The following JAKMIP3 variants were observed in gnomAD, a reference collection of about 807,000 sequenced individuals.
JAKMIP3 encodes the protein janus kinase and microtubule-interacting protein 3.
Under a neutral mutation model 118.5 loss-of-function variants are expected in JAKMIP3, and 58 were observed. The ratio of observed to expected loss-of-function variants is 0.49; its 90% CI spans 0.40 to 0.61. The LOEUF is 0.61. Among genes scored for constraint, JAKMIP3 ranks in the 20% least tolerant of loss-of-function variants. JAKMIP3 has a pLI of 0.00. For missense variants in JAKMIP3, 950 were observed against 1,109.0 expected, an observed-to-expected ratio of 0.86 and a Z score of 2.04; for synonymous variants, 486 against 451.2, an observed-to-expected ratio of 1.08 and a Z score of -0.98.
rs758566568 is a variant in JAKMIP3, at chr10:132,145,175, G to A, written c.1671G>A (p.Leu557=). 1.6e-5 allele frequency: 25 copies of A among 1,609,872 alleles called. No individual in the cohort carries two copies. Among genetic ancestry groups the A allele is most frequent in the Non-Finnish European group, 2.1e-5 (25 of 1,178,756 alleles). ...QARIEDLEKA[L]AEQGQDMKWI... ...GGATAGAGGACCTGGAGAAGGCCCT[G>A]GCGGAGCAGGGGCAGGTGAGCCTGC... is the stretch of plus-strand genomic sequence containing the variant. The change falls in exon 12 of 24, where the codon CTG becomes CTA. Residue 557 remains leucine (L), a synonymous_variant. Transcript: ENST00000684848.
At chr10:132,182,336 G>A (rs1179289765) in intron 23 of JAKMIP3, 21 bp from the exon 24 acceptor site, 4 of 152,242 alleles carry the variant, frequency 2.6e-5, no homozygotes, top group African/African-American at 4.8e-5. Flanking sequence ...ACTAAACGGC[G>A]TTTTCTCCAC....
At chr10:132,080,522 TTTTTTTTTTTTTTTTTTA>T (rs1444652053) in intron 1 of JAKMIP3, among the ~76,000 whole-genome samples, 2 of 123,298 alleles carry the variant, frequency 1.6e-5, no homozygotes, top group Non-Finnish European at 3.4e-5. Context: ...TTTTTTTTTT[TTTTTTTTTTTTTTTTTTA>T]AGATGGAGTC....
intron 14 of JAKMIP3, among the ~76,000 whole-genome samples, chr10:132,148,839 G>A (rs553499693): frequency 2.0e-5 from 3 of 152,282 alleles, no homozygotes; most frequent in African/African-American, 4.8e-5. Context: ...CGCCCCTGCC[G>A]AGCACCACAC....
chr10:132,135,377 C>T (rs1293135816), intron 5 of JAKMIP3, among the ~76,000 whole-genome samples: 1 of 152,214 alleles, frequency 6.6e-6, no homozygotes, highest in Non-Finnish European at 1.5e-5. Flanking sequence ...CTAACCCCTG[C>T]TCTGCGTTAG....
intron 21 of JAKMIP3, among the ~76,000 whole-genome samples, chr10:132,165,306 G>C (rs188572677): frequency 0.11 from 16,652 of 152,132 alleles, 1,237 homozygotes; most frequent in Non-Finnish European, 0.15. Context: ...AAGTCAGGAT[G>C]AGGGGAGCAC....
chr10:132,121,135 C>T lies in JAKMIP3; in HGVS notation c.633+3561C>T, dbSNP rs2048476277. Among the ~76,000 whole-genome samples the T allele has an allele frequency of 2.0e-5, 3 of 152,208 alleles. No homozygotes were observed. In the South Asian group the frequency reaches 6.2e-4, roughly 32 times the overall value. On this transcript the variant is annotated intron_variant, in intron 3 of 23. Coordinates refer to ENST00000684848, the MANE Select transcript of JAKMIP3 (RefSeq NM_001323087.2). ...GGCAGGCTGGGGTGAGGGTGGGGTC[C>T]AGAGGCAGGGCCCTGCCCCAAGTGT...
rs184458201 is a variant in JAKMIP3 at position 132,084,190 on chromosome 10, G to A, written c.-138+18129G>A. On this transcript the variant is annotated intron_variant, in intron 1 of 23. Coordinates refer to ENST00000684848, the MANE Select transcript of JAKMIP3 (RefSeq NM_001323087.2). ...GGGTAGAATGTTTGTGTTTCCACTCGTTTGTGTTATCTATGATTTCTTTCA... is the reference window on the plus strand; with the variant it reads ...GGGTAGAATGTTTGTGTTTCCACTCATTTGTGTTATCTATGATTTCTTTCA... 1.4e-3 allele frequency among the ~76,000 whole-genome samples: 211 copies of A among 151,784 alleles called. 1 individual carries two copies. Among genetic ancestry groups the A allele is most frequent in the African/African-American group, 4.4e-3 (183 of 41,528 alleles).
chr10:132,136,104 C>T (rs1328764680), intron 6 of JAKMIP3, 28 bp downstream of exon 6: 2 of 1,609,372 alleles, frequency 1.2e-6, no homozygotes, highest in Admixed American at 3.3e-5. Flanking sequence ...TCCACGGGGC[C>T]ACGGTCGCAC....
rs538511637 is a variant in JAKMIP3, at chr10:132,049,043, C to A, written c.-138+12305C>A. On this transcript the variant is annotated intron_variant, in intron 1 of 23. Coordinates refer to the JAKMIP3 transcript ENST00000657785. The surrounding 1 kb of genome is among the most constrained non-coding windows in gnomAD (Gnocchi z 4.3). ...ATTGTTTCTTTACTTCTCTGCATGTCCTGAAAGCCTGCTGCTGGTCCCGGC... is the reference window on the plus strand; with the variant it reads ...ATTGTTTCTTTACTTCTCTGCATGTACTGAAAGCCTGCTGCTGGTCCCGGC... Among the ~76,000 whole-genome samples the A allele has an allele frequency of 1.3e-5, 2 of 151,776 alleles. No homozygotes were observed. The highest frequency in any genetic ancestry group is 2.9e-5 in the Non-Finnish European group (2 of 67,974).
chr10:132,153,788 G>A lies in JAKMIP3; in HGVS notation c.2103G>A (p.Ala701=), dbSNP rs151294338. ...TCCAGCAGATTGAGGAGACAGAGGC[G>A]GCGCTGCAGCGGAAGATGGTGGATC... ...KWLQQIEETE[A]ALQRKMVDLE... Residue 701 remains alanine (A), a synonymous_variant, in exon 18 of 24, where the codon GCG becomes GCA. Transcript: ENST00000684848. The A allele has an allele frequency of 5.3e-5, 85 of 1,613,048 alleles. No homozygotes were observed. In the East Asian group the frequency reaches 7.1e-4, roughly 14 times the overall value.
chr10:132,108,960 G>GTATATATAAATTATATACGCAAATA (rs1420276964), intron 2 of JAKMIP3, among the ~76,000 whole-genome samples: 3,888 of 145,344 alleles, frequency 0.027, 375 homozygotes, highest in East Asian at 0.14. Context: ...ATACGCAAAT[G>GTATATATAAATTATATACGCAAATA]TATATATAAA....
At chr10:132,087,352 T>TG (rs60006445) in intron 1 of JAKMIP3, among the ~76,000 whole-genome samples, 13,561 of 152,214 alleles carry the variant, frequency 0.089, 1,458 homozygotes, top group African/African-American at 0.25. Flanking sequence ...GATGATCTTT[T>TG]GGGGATGAAT....
At chr10:132,136,225 A>T in intron 6 of JAKMIP3, 149 bp downstream of exon 6, 1 of 844,448 alleles carries the variant, frequency 1.2e-6, no homozygotes. Context: ...GCATGTTTGA[A>T]GGGGAGCAAC....
At position 132,142,826 on chromosome 10, in the gene JAKMIP3, G is replaced by A. The variant is rs895342510; in HGVS notation, c.1602+778G>A. ...CCAGAGCAGGCAGCTGTGGGGTGTG[G>A]GGTTCCCGTTGGCCTCCCCACCCCA... On this transcript the variant is annotated intron_variant, in intron 11 of 23. Transcript: ENST00000684848. Among the ~76,000 whole-genome samples, 3 of 152,176 alleles carry A rather than the reference G, an allele frequency of 2.0e-5. No individual in the cohort carries two copies. The East Asian group carries it at 5.8e-4, about 29-fold the overall frequency.
chr10:132,168,039 G>C lies in JAKMIP3; in HGVS notation c.*109G>C, dbSNP rs1467703230. On this transcript the variant is annotated 3_prime_UTR_variant, in exon 23 of 24. Transcript: ENST00000684848. Reference sequence around the variant, plus strand: ...GTCGCGTCTCCATCCTGAAGACCCAGGGAGATTTGGTCTCTGCACGCCCGT... The same window carrying C: ...GTCGCGTCTCCATCCTGAAGACCCACGGAGATTTGGTCTCTGCACGCCCGT... The C allele has an allele frequency of 4.7e-6, 6 of 1,289,632 alleles. No homozygotes were observed. In the South Asian group the frequency reaches 6.2e-5, roughly 13 times the overall value. 79.9% of individuals were successfully genotyped at this position (1,289,632 alleles called of 1,614,324 possible).
At chr10:132,056,247 G>A (rs1460663528) in intron 1 of JAKMIP3, among the ~76,000 whole-genome samples, 2 of 152,142 alleles carry the variant, frequency 1.3e-5, no homozygotes, top group Non-Finnish European at 2.9e-5. Flanking sequence ...CATTGCCACC[G>A]GGCTGTAAAG....
At position 132,112,494 on chromosome 10, in the gene JAKMIP3, G is replaced by T. The variant is rs1312239037; in HGVS notation, c.136-4583G>T. On this transcript the variant is annotated intron_variant, in intron 2 of 23. Coordinates refer to ENST00000684848, the MANE Select transcript of JAKMIP3 (RefSeq NM_001323087.2). The surrounding 1 kb of genome is among the most constrained non-coding windows in gnomAD (Gnocchi z 4.3). The stretch of plus-strand genomic sequence containing the variant: ...TTCGGGCTGTTAGGTTTTAAGAAGG[G>T]TCTCTTTTCCTGGTTCCTTATTTTG... 6.6e-6 allele frequency among the ~76,000 whole-genome samples: 1 copy of T among 152,160 alleles called. No individual in the cohort carries two copies. Among genetic ancestry groups the T allele is most frequent in the East Asian group, 1.9e-4 (1 of 5,196 alleles).
At chr10:132,123,387 G>C (rs954744743) in intron 3 of JAKMIP3, among the ~76,000 whole-genome samples, 1 of 152,220 alleles carries the variant, frequency 6.6e-6, no homozygotes, top group Non-Finnish European at 1.5e-5. Flanking sequence ...AGACGCAAAA[G>C]CCAGTTTCTC....
chr10:132,140,035 G>A (rs1418825794), intron 9 of JAKMIP3, among the ~76,000 whole-genome samples: 1 of 152,180 alleles, frequency 6.6e-6, no homozygotes, highest in Non-Finnish European at 1.5e-5. Context: ...CCCCGTTTTT[G>A]TTTGTATTCC....
Sources: allele counts gnomAD v4.1 joint callset (sites outside exome capture counted in the v4.1 genomes callset), GRCh38; gene constraint gnomAD v4.1.1; non-coding constraint Gnocchi (gnomAD v3.1); transcripts MANE v1.5; gene names NCBI Gene and HGNC (gene_info 2026-07-23, HGNC 2026-07-21).